The following LYST variants were observed in gnomAD, a reference collection of about 807,000 sequenced individuals.
LYST encodes the protein lysosomal trafficking regulator.
In LYST, 192 loss-of-function variants were observed where a neutral mutation model predicts 413.6. The observed-to-expected ratio is 0.46, with a 90% CI of 0.41 to 0.52. LYST has a LOEUF of 0.52. Ranked by LOEUF, LYST falls within the 20% of genes least tolerant of loss-of-function variation. The probability of loss-of-function intolerance (pLI) is 0.00; values close to 1 mark genes in which losing one functional copy is unlikely to be tolerated. For synonymous variants in LYST, 1,525 were observed against 1,567.3 expected, an observed-to-expected ratio of 0.97 and a Z score of 0.64; for missense variants, 3,815 against 4,499.9, an observed-to-expected ratio of 0.85 and a Z score of 4.35.
At position 235,759,398 on chromosome 1, in the gene LYST, C is replaced by T. The variant is rs147761755; in HGVS notation, c.6455G>A (p.Ser2152Asn). 202 of 1,614,140 alleles carry T rather than the reference C, an allele frequency of 1.3e-4. 1 individual carries two copies. The African/African-American group carries it at 2.6e-3, about 21-fold the overall frequency. The part of the protein sequence containing the change: ...TQSKKQNSLG[S>N]SDTLKKGKED... ...TTTGCCTTTTTTCAGTGTGTCGGAA[C>T]TCCCCAAAGAATTTTGTTTCTTTGA... The change falls in exon 23 of 53, where the codon AGT becomes AAT. Residue 2152 changes from serine (S) to asparagine (N), a missense_variant. Ser to Asn is a conservative substitution (Grantham distance 46, BLOSUM62 1). Coordinates refer to ENST00000389793, the MANE Select transcript of LYST (RefSeq NM_000081.4).
rs1274130154 is a variant in LYST, at chr1:235,724,087, C to A, written c.9256G>T (p.Ala3086Ser). The part of the protein sequence containing the change: ...HKRWWQLRDN[A>S]VEIFLTNGRT... The stretch of plus-strand genomic sequence containing the variant: ...CCATTTGTTAGAAAGATTTCTACAG[C>A]ATTATCTCTCAATTGCCACCAACGC... The change falls in exon 39 of 53, where the codon GCT (alanine) becomes TCT (serine). Residue 3086 changes from alanine (A) to serine (S), a missense_variant. Ala to Ser is a moderately conservative substitution (Grantham distance 99). Coordinates refer to ENST00000389793, the MANE Select transcript of LYST (RefSeq NM_000081.4). The A allele has an allele frequency of 1.2e-6, 2 of 1,613,356 alleles. No individual in the cohort carries two copies. The highest frequency in any genetic ancestry group is 1.7e-6 in the Non-Finnish European group (2 of 1,179,320).
intron 15 of LYST, among the ~76,000 whole-genome samples, 193 bp from the exon 16 acceptor site, chr1:235,781,248 T>C (rs935226459): frequency 6.6e-6 from 1 of 152,188 alleles, no homozygotes; most frequent in African/African-American, 2.4e-5. Context: ...TGATGGAAGA[T>C]GAATTAATGT....
intron 22 of LYST, 91 bp from the exon 23 acceptor site, chr1:235,759,690 C>T: frequency 1.1e-6 from 1 of 914,450 alleles, no homozygotes; most frequent in Non-Finnish European, 1.8e-6. Flanking sequence ...ACAGCAAAAG[C>T]CCATTTATCT....
At chr1:235,738,502 C>T in intron 31 of LYST, 8 of 1,611,958 alleles carry the variant, frequency 5.0e-6, no homozygotes, top group Non-Finnish European at 6.8e-6. Context: ...CTGGACTCAG[C>T]CCAATTCCGT....
intron 1 of LYST, among the ~76,000 whole-genome samples, chr1:235,850,172 A>G (rs774881274): frequency 1.3e-5 from 2 of 152,218 alleles, no homozygotes; most frequent in Non-Finnish European, 2.9e-5. Context: ...TGGTATAAAA[A>G]TAGGCACATA....
At chr1:235,824,717 G>T (rs1675136861) in intron 3 of LYST, among the ~76,000 whole-genome samples, 1 of 152,108 alleles carries the variant, frequency 6.6e-6, no homozygotes, top group Non-Finnish European at 1.5e-5. Context: ...TTTATTCCAG[G>T]AATGCAAACA....
Position 235,809,446 on chromosome 1 carries a change from T to C in LYST, c.1372A>G (p.Arg458Gly). 6.2e-7 allele frequency: 1 copy of C among 1,614,040 alleles called. No homozygotes were observed. Among genetic ancestry groups the C allele is most frequent in the Non-Finnish European group, 8.5e-7 (1 of 1,179,992 alleles). ...GAGGCCTCGGGAGGAACTCCATCTC[T>C]TAAAACCAGCCATTCCATTTGAAGA... Reference protein sequence around the residue: ...AVLQMEWLVLRDGVPPEASEH... With the variant: ...AVLQMEWLVLGDGVPPEASEH... Residue 458 changes from arginine (R) to glycine (G), a missense_variant, in exon 5 of 53, where the codon AGA becomes GGA. Transcript: ENST00000389793. This position sits in a 1 kb window ranked among gnomAD's most constrained non-coding sequence, Gnocchi z 4.0.
intron 1 of LYST, among the ~76,000 whole-genome samples, chr1:235,852,646 AACTAAT>A (rs1366699083): frequency 6.6e-6 from 1 of 152,192 alleles, no homozygotes; most frequent in Non-Finnish European, 1.5e-5. Flanking sequence ...ACATTTTTTC[AACTAAT>A]ACTGAGGTAA....
chr1:235,693,555 G>A, intron 46 of LYST, 69 bp from the exon 47 acceptor site: 2 of 1,588,312 alleles, frequency 1.3e-6, no homozygotes, highest in Non-Finnish European at 8.6e-7. Flanking sequence ...GCCCAAAACT[G>A]GCAGATTAAA....
At chr1:235,733,994 C>A in intron 32 of LYST, 88 bp from the exon 33 acceptor site, 1 of 663,994 alleles carries the variant, frequency 1.5e-6, no homozygotes, top group South Asian at 2.2e-5. Context: ...AATTTTAAAA[C>A]CCAGTTAACA....
At chr1:235,727,229 TCG>T (rs1663966596) in intron 38 of LYST, among the ~76,000 whole-genome samples, 1 of 151,568 alleles carries the variant, frequency 6.6e-6, no homozygotes. Flanking sequence ...TTCAAGCGAT[TCG>T]CCTGCCTCAG....
Position 235,759,218 on chromosome 1 carries a change from C to G in LYST, c.6635G>C (p.Arg2212Thr). The G allele has an allele frequency of 6.2e-7, 1 of 1,614,168 alleles. No individual in the cohort carries two copies. The highest frequency in any genetic ancestry group is 8.5e-7 in the Non-Finnish European group (1 of 1,180,032). ...ATCCCCAGGACTGTCATCTTCTGAC[C>G]TGGGTTCTGCTCCCAACTGTTTATG... is the stretch of plus-strand genomic sequence containing the variant. ...ADHKQLGAEP[R>T]SEDDSPGDES... Residue 2212 changes from arginine (R) to threonine (T), a missense_variant, in exon 23 of 53, where the codon AGG becomes ACG. Physicochemically the swap from Arg to Thr is moderately conservative, Grantham distance 71 (BLOSUM62 -1). Around this residue, in one of 4 missense-constraint regions of LYST, gnomAD observed 771 missense variants for 837.1 expected, o/e 0.92. Coordinates refer to ENST00000389793, the MANE Select transcript of LYST (RefSeq NM_000081.4).
At chr1:235,780,556 A>G (rs772404333) in intron 16 of LYST, among the ~76,000 whole-genome samples, 1 of 152,116 alleles carries the variant, frequency 6.6e-6, no homozygotes, top group Non-Finnish European at 1.5e-5. Context: ...CAAACTAACA[A>G]GTGTTATTTT....
At chr1:235,875,675 A>C (rs1681103175) in intron 1 of LYST, among the ~76,000 whole-genome samples, 1 of 152,120 alleles carries the variant, frequency 6.6e-6, no homozygotes, top group South Asian at 2.1e-4. Flanking sequence ...GCAAGACCCT[A>C]TCTCTACAAA....
chr1:235,760,807 T>C (rs976532066), intron 22 of LYST, among the ~76,000 whole-genome samples: 6 of 152,248 alleles, frequency 3.9e-5, no homozygotes, highest in African/African-American at 1.4e-4. Context: ...AATCTTTTTC[T>C]AGTTATTTCT....
rs759547330 is a variant in LYST at position 235,809,283 on chromosome 1, T to C, written c.1535A>G (p.His512Arg). ...RRCEYSHFMH[H>R]HRDLSGLLVS... Reference sequence around the variant, plus strand: ...CAGAAGACCTGAGAGATCTCGGTGATGATGCATAAAATGAGAATATTCACA... The same window carrying C: ...CAGAAGACCTGAGAGATCTCGGTGACGATGCATAAAATGAGAATATTCACA... Residue 512 changes from histidine (H) to arginine (R), a missense_variant, in exon 5 of 53, where the codon CAT becomes CGT. By Grantham distance (29) the His-to-Arg change is conservative (BLOSUM62 0). Around this residue, in one of 4 missense-constraint regions of LYST, gnomAD observed 1,648 missense variants for 1,810.3 expected, o/e 0.91. Transcript: ENST00000389793. The surrounding 1 kb of genome is among the most constrained non-coding windows in gnomAD (Gnocchi z 4.0). 7 of 1,614,100 alleles carry C rather than the reference T, an allele frequency of 4.3e-6. No individual in the cohort carries two copies. The highest frequency in any genetic ancestry group is 5.9e-6 in the Non-Finnish European group (7 of 1,179,972).
At chr1:235,687,675 C>A (rs1282470699) in intron 47 of LYST, among the ~76,000 whole-genome samples, 2 of 152,068 alleles carry the variant, frequency 1.3e-5, no homozygotes, top group Non-Finnish European at 2.9e-5. Flanking sequence ...ACCCTGAGCA[C>A]CATGTCCGCA....
intron 47 of LYST, among the ~76,000 whole-genome samples, chr1:235,689,255 T>G (rs1660462076): frequency 6.6e-6 from 1 of 152,178 alleles, no homozygotes; most frequent in South Asian, 2.1e-4. Context: ...TCATCTATTA[T>G]GATACAAATA....
chr1:235,755,404 A>AAAAG (rs1429105049), intron 25 of LYST, 74 bp downstream of exon 25: 1 of 1,260,074 alleles, frequency 7.9e-7, no homozygotes. Flanking sequence ...AAAAGAAAAG[A>AAAAG]AAAGAAAAGA....
Sources: allele counts gnomAD v4.1 joint callset (sites outside exome capture counted in the v4.1 genomes callset), GRCh38; gene constraint gnomAD v4.1.1; regional missense constraint gnomAD v4.1.1; non-coding constraint Gnocchi (gnomAD v3.1); transcripts MANE v1.5; gene names NCBI Gene and HGNC (gene_info 2026-07-23, HGNC 2026-07-21).